Variants in SCN7A observed in about 807,000 individuals in gnomAD.
The protein encoded by SCN7A is sodium voltage-gated channel alpha subunit 7.
SCN7A carries 138 observed loss-of-function variants against 155.2 expected under a neutral mutation model. The ratio of observed to expected loss-of-function variants is 0.89; its 90% CI spans 0.77 to 1.02. The LOEUF is 1.02. SCN7A is among the 50% of genes least tolerant of loss of function. The probability of loss-of-function intolerance (pLI) is 0.00; values close to 1 mark genes in which losing one functional copy is unlikely to be tolerated. For missense variants in SCN7A, 2,058 were observed against 1,986.6 expected, an observed-to-expected ratio of 1.04 and a Z score of -0.68; for synonymous variants, 693 against 649.0, an observed-to-expected ratio of 1.07 and a Z score of -1.03.
At chr2:166,435,294 C>T (rs1219200781) in intron 15 of SCN7A, among the ~76,000 whole-genome samples, 1 of 151,986 alleles carries the variant, frequency 6.6e-6, no homozygotes, top group Non-Finnish European at 1.5e-5. Flanking sequence ...ATTACTACTT[C>T]TAATTTGAGC....
At position 166,410,317 on chromosome 2, in the gene SCN7A, C is replaced by G; in HGVS notation, c.3614G>C (p.Gly1205Ala). ...NFNKHKIKLG[G>A]SNIFITVKQR... is the part of the protein sequence containing the mutation. ...TTTAACCGTTATAAAGATATTTGAG[C>G]CTCCCAGGTAAAGAAAGGAAAGAAA... Residue 1205 changes from glycine to alanine, a missense_variant, in exon 24 of 26, where the codon GGC becomes GCC. Transcript: ENST00000643258. The G allele has an allele frequency of 3.3e-6, 5 of 1,537,226 alleles. No homozygotes were observed. The highest frequency in any genetic ancestry group is 1.4e-5 in the African/African-American group (1 of 72,312).
chr2:166,427,931 C>G lies in SCN7A; in HGVS notation c.2710G>C (p.Gly904Arg). 6.2e-7 allele frequency: 1 copy of G among 1,612,260 alleles called. No individual in the cohort carries two copies. The highest frequency in any genetic ancestry group is 8.5e-7 in the Non-Finnish European group (1 of 1,178,982). Residue 904 changes from glycine to arginine, a missense_variant, in exon 18 of 26, where the codon GGA becomes CGA. Physicochemically the swap from Gly to Arg is moderately radical, Grantham distance 125 (BLOSUM62 -2). Coordinates refer to ENST00000643258, the MANE Select transcript of SCN7A (RefSeq NM_002976.4). Reference sequence around the variant, plus strand: ...CCACTGATTTGACCAAGTGAAGATCCGCGTCTGCAACCTGTCAAGATTGAA... The same window carrying G: ...CCACTGATTTGACCAAGTGAAGATCGGCGTCTGCAACCTGTCAAGATTGAA... ...SKHLKNGCRR[G>R]SSLGQISGAS...
At chr2:166,442,503 T>C (rs915076820) in intron 14 of SCN7A, among the ~76,000 whole-genome samples, 5 of 152,120 alleles carry the variant, frequency 3.3e-5, no homozygotes, top group Admixed American at 3.3e-4. Context: ...TCCTCCCACC[T>C]TAGCCTCCTG....
chr2:166,490,404 G>T (rs1683067265), intron 1 of SCN7A, among the ~76,000 whole-genome samples: 1 of 152,036 alleles, frequency 6.6e-6, no homozygotes, highest in African/African-American at 2.4e-5. Flanking sequence ...TGTCTTCCAG[G>T]TTCACTCATG....
chr2:166,487,981 T>C (rs568691680), intron 1 of SCN7A, among the ~76,000 whole-genome samples: 1 of 152,264 alleles, frequency 6.6e-6, no homozygotes, highest in African/African-American at 2.4e-5. Context: ...GACATTTAGA[T>C]AGGTGTAAAA....
In SCN7A at chr2:166,403,628, T is replaced by G. The variant is rs867341488; in HGVS notation, c.*1952A>C. The stretch of plus-strand genomic sequence containing the variant: ...TATAGTATCTAAAAAGTAACATATA[T>G]TGTTAAGACTTTGTTAAAAATAACT... On this transcript the variant is annotated 3_prime_UTR_variant, in exon 26 of 26. Transcript: ENST00000643258. The G allele has an allele frequency of 7.2e-5, 11 of 152,150 alleles. No individual in the cohort carries two copies. Among genetic ancestry groups the G allele is most frequent in the Admixed American group, 2.0e-4 (3 of 15,242 alleles). The allele number at this position is 152,150 out of a possible 1,614,324, so 9.4% of individuals were successfully genotyped here.
rs369751581 is a variant in SCN7A, at chr2:166,441,550, C to T, written c.2003G>A (p.Arg668His). The T allele has an allele frequency of 1.3e-4, 214 of 1,613,904 alleles. No homozygotes were observed. The highest frequency in any genetic ancestry group is 1.7e-4 in the Non-Finnish European group (198 of 1,179,982). ...GTGGAAAAAGTCATGCATGTGCCAG[C>T]GTGGGAGTTGACAGTCTTTGTCTAT... ...CHIDKDCQLP[R>H]WHMHDFFHSF... Residue 668 changes from arginine (R) to histidine (H), a missense_variant, in exon 15 of 26, where the codon CGC (arginine) becomes CAC (histidine). Physicochemically the swap from Arg to His is conservative, Grantham distance 29 (BLOSUM62 0). Coordinates refer to ENST00000643258, the MANE Select transcript of SCN7A (RefSeq NM_002976.4).
Position 166,477,503 on chromosome 2 carries a change from G to T in SCN7A, c.194C>A (p.Pro65His). The change falls in exon 3 of 26, where the codon CCC becomes CAC. Residue 65 changes from proline (P) to histidine (H), a missense_variant. Transcript: ENST00000643258. ...GTAATATGGGTCCACATCTTCCAAGGGCTCTGACACCATTCCTTGAGAAAG... is the reference window on the plus strand; with the variant it reads ...GTAATATGGGTCCACATCTTCCAAGTGCTCTGACACCATTCCTTGAGAAAG... The part of the protein sequence containing the change: ...GNLSQGMVSE[P>H]LEDVDPYYYK... The T allele has an allele frequency of 6.4e-7, 1 of 1,552,438 alleles. No individual in the cohort carries two copies.
intron 11 of SCN7A, among the ~76,000 whole-genome samples, chr2:166,453,805 T>A (rs1021662020): frequency 3.3e-5 from 5 of 152,188 alleles, no homozygotes; most frequent in South Asian, 4.1e-4. Context: ...GACATCTGAC[T>A]GGTTTGCAAG....
intron 7 of SCN7A, among the ~76,000 whole-genome samples, chr2:166,467,485 TTATA>T (rs150038538): frequency 6.9e-6 from 1 of 144,396 alleles, no homozygotes; most frequent in African/African-American, 2.5e-5. Context: ...TTATATATGT[TTATA>T]TATATATATA....
chr2:166,410,105 A>T (rs1701167083), intron 24 of SCN7A, 115 bp downstream of exon 24: 2 of 1,132,282 alleles, frequency 1.8e-6, no homozygotes, highest in East Asian at 5.2e-5. Context: ...AATGACCATG[A>T]AAAGCTTTGT....
chr2:166,477,178 A>C (rs1460608909), intron 3 of SCN7A, among the ~76,000 whole-genome samples: 2 of 152,098 alleles, frequency 1.3e-5, no homozygotes, highest in East Asian at 3.9e-4. Context: ...GACAATCATC[A>C]TGTTCCCTTA....
intron 21 of SCN7A, among the ~76,000 whole-genome samples, chr2:166,413,762 G>A (rs1043875324): frequency 7.3e-5 from 11 of 150,870 alleles, no homozygotes; most frequent in Non-Finnish European, 1.3e-4. Flanking sequence ...GCAGGAAAAC[G>A]TGAAAAGGCG....
Position 166,412,670 on chromosome 2 carries a change from A to C in SCN7A, c.3469-3T>G. Reference sequence around the variant, plus strand: ...TCAAAATGAGGCTGTATATTAACCTAGAAGTTTAAAATAAGCAAATTATTG... The same window carrying C: ...TCAAAATGAGGCTGTATATTAACCTCGAAGTTTAAAATAAGCAAATTATTG... On this transcript the variant is annotated splice_region_variant and splice_polypyrimidine_tract_variant and intron_variant, in intron 22 of 25. Transcript: ENST00000643258. The C allele has an allele frequency of 6.7e-7, 1 of 1,486,418 alleles. No homozygotes were observed. The highest frequency in any genetic ancestry group is 8.9e-7 in the Non-Finnish European group (1 of 1,125,224). The allele number at this position is 1,486,418 out of a possible 1,614,324, so 92.1% of individuals were successfully genotyped here.
chr2:166,456,120 C>T (rs765879663), intron 11 of SCN7A, among the ~76,000 whole-genome samples: 4 of 152,088 alleles, frequency 2.6e-5, no homozygotes, highest in Non-Finnish European at 4.4e-5. Flanking sequence ...GAAGACCAAA[C>T]ACCGCATGTT....
chr2:166,430,565 C>T (rs1022859369), intron 16 of SCN7A, among the ~76,000 whole-genome samples: 4 of 151,318 alleles, frequency 2.6e-5, no homozygotes, highest in South Asian at 2.1e-4. Context: ...TCCAAAATAC[C>T]GGTGAGTAGG....
intron 10 of SCN7A, among the ~76,000 whole-genome samples, chr2:166,458,679 C>G (rs1413996406): frequency 2.0e-5 from 3 of 152,210 alleles, no homozygotes; most frequent in Non-Finnish European, 4.4e-5. Flanking sequence ...TATACAAATA[C>G]TTGGCACAGT....
chr2:166,410,857 T>G (rs1701187412), intron 23 of SCN7A, among the ~76,000 whole-genome samples: 1 of 152,018 alleles, frequency 6.6e-6, no homozygotes, highest in Non-Finnish European at 1.5e-5. Flanking sequence ...TTCATTTTTG[T>G]GTTTCTAGTG....
intron 10 of SCN7A, among the ~76,000 whole-genome samples, chr2:166,461,048 CTTTTTTTTTT>C (rs34717897): frequency 6.2e-5 from 6 of 96,678 alleles, no homozygotes; most frequent in East Asian, 7.0e-4. Context: ...GTAATATTTT[CTTTTTTTTTT>C]TTTTTTTTTT....
Sources: gnomAD v4.1 joint callset for allele counts (sites outside exome capture counted in the v4.1 genomes callset) on GRCh38, gnomAD v4.1.1 for gene constraint, MANE v1.5 for transcripts, NCBI Gene and HGNC (gene_info 2026-07-23, HGNC 2026-07-21) for gene names.